Variants in CDH23 observed in about 807,000 individuals in gnomAD.
The protein encoded by CDH23 is cadherin-23.
CDH23 carries 189 observed loss-of-function variants against 317.1 expected under a neutral mutation model. The ratio of observed to expected loss-of-function variants is 0.60; its 90% CI spans 0.53 to 0.67. The LOEUF (loss-of-function observed/expected upper bound fraction) is 0.67. Among genes scored for constraint, CDH23 ranks in the 30% least tolerant of loss-of-function variants. The probability of loss-of-function intolerance (pLI) is 0.00; values close to 1 mark genes in which losing one functional copy is unlikely to be tolerated. For missense variants in CDH23, 4,401 were observed against 4,592.4 expected, an observed-to-expected ratio of 0.96 and a Z score of 1.20; for synonymous variants, 1,839 against 1,876.8, an observed-to-expected ratio of 0.98 and a Z score of 0.52.
chr10:71,407,912 C>A (rs1377247065), intron 1 of CDH23, among the ~76,000 whole-genome samples: 1 of 152,196 alleles, frequency 6.6e-6, no homozygotes, highest in Non-Finnish European at 1.5e-5. Context: ...CCCCTTCTGA[C>A]CAATCACTTG....
chr10:71,711,501 G>A (rs1206244868), intron 27 of CDH23, among the ~76,000 whole-genome samples: 1 of 152,086 alleles, frequency 6.6e-6, no homozygotes, highest in Non-Finnish European at 1.5e-5. Context: ...CCTCCAGGGA[G>A]GACAACCCAA....
At chr10:71,407,653 C>T (rs945419145) in intron 1 of CDH23, among the ~76,000 whole-genome samples, 10 of 152,210 alleles carry the variant, frequency 6.6e-5, no homozygotes, top group African/African-American at 2.4e-4. Context: ...TATTTCTGGC[C>T]GTGCATCTTA....
intron 24 of CDH23, 126 bp downstream of exon 24, chr10:71,702,820 C>A: frequency 1.9e-6 from 2 of 1,069,634 alleles, no homozygotes; most frequent in South Asian, 1.4e-5. Flanking sequence ...AGGACAGAGG[C>A]TCTGGAGATG....
intron 8 of CDH23, among the ~76,000 whole-genome samples, chr10:71,576,186 C>T (rs1274707875): frequency 6.6e-6 from 1 of 152,230 alleles, no homozygotes; most frequent in Admixed American, 6.5e-5. Context: ...CCTCGTGTCT[C>T]CCCCTGAGGA....
At chr10:71,724,007 G>A (rs369569834) in intron 28 of CDH23, 38 bp from the exon 29 acceptor site, 11 of 1,550,692 alleles carry the variant, frequency 7.1e-6, no homozygotes, top group African/African-American at 2.7e-5. Context: ...CCTGCTGGGT[G>A]GCATTCAAGA....
At chr10:71,648,344 G>A (rs1406125332) in intron 14 of CDH23, among the ~76,000 whole-genome samples, 3 of 152,216 alleles carry the variant, frequency 2.0e-5, no homozygotes, top group East Asian at 1.9e-4. Flanking sequence ...CCCTTCGAAG[G>A]ACTGGGTAAA....
chr10:71,459,359 G>T (rs1850865235), intron 3 of CDH23, among the ~76,000 whole-genome samples: 1 of 152,150 alleles, frequency 6.6e-6, no homozygotes, highest in Non-Finnish European at 1.5e-5. Context: ...CTCCCAAAGT[G>T]GGGGCATGAG....
At chr10:71,646,124 A>G in intron 13 of CDH23, 144 bp downstream of exon 13, 2 of 1,114,970 alleles carry the variant, frequency 1.8e-6, no homozygotes, top group Non-Finnish European at 2.5e-6. Flanking sequence ...AAGCCCTCCA[A>G]GAGACGGCAG....
intron 6 of CDH23, among the ~76,000 whole-genome samples, chr10:71,540,242 A>T (rs930295656): frequency 3.9e-5 from 6 of 152,034 alleles, no homozygotes; most frequent in Admixed American, 2.6e-4. Flanking sequence ...TGCACTAGGG[A>T]ACCCACCCTC....
intron 9 of CDH23, among the ~76,000 whole-genome samples, chr10:71,586,958 T>C (rs1859113271): frequency 6.6e-6 from 1 of 152,230 alleles, no homozygotes; most frequent in African/African-American, 2.4e-5. Flanking sequence ...CATTTCCCTG[T>C]TGATGGGTTG....
At chr10:71,688,809 ACG>A (rs1284778906) in intron 19 of CDH23, among the ~76,000 whole-genome samples, 1 of 3,920 alleles carries the variant, frequency 2.6e-4, no homozygotes, top group Admixed American at 2.3e-3. Context: ...GGTGGAGCCA[ACG>A]GTGGTGGAGC....
At chr10:71,746,627 G>A (rs572076962) in intron 38 of CDH23, among the ~76,000 whole-genome samples, 2 of 152,320 alleles carry the variant, frequency 1.3e-5, no homozygotes, top group African/African-American at 4.8e-5. Flanking sequence ...GCTGGGCCCA[G>A]GGAGGAAGGG....
chr10:71,617,422 G>A, intron 11 of CDH23, 29 bp downstream of exon 11: 1 of 1,607,946 alleles, frequency 6.2e-7, no homozygotes, highest in Non-Finnish European at 8.5e-7. Flanking sequence ...GGCCCATGCA[G>A]ACCCACCACC....
Position 71,751,558 on chromosome 10 carries a change from G to A in CDH23, c.4845+9637G>A, listed in dbSNP as rs1012623409. 2.1e-5 allele frequency: 26 copies of A among 1,238,932 alleles called. No individual in the cohort carries two copies. The African/African-American group carries it at 2.6e-4, about 12-fold the overall frequency. 76.7% of individuals were successfully genotyped at this position (1,238,932 alleles called of 1,614,324 possible). A position where few individuals can be genotyped will look rare whatever the true frequency, so the allele number is the denominator to read the frequency against. The stretch of plus-strand genomic sequence containing the variant: ...TGTCCCTCACCCTCAACCCCACCCC[G>A]TGAGGCCGTGGAACTCTTCAGGGAG... On this transcript the variant is annotated intron_variant, in intron 38 of 69. Transcript: ENST00000224721. This position sits in a 1 kb window ranked among gnomAD's most constrained non-coding sequence, Gnocchi z 4.9.
At chr10:71,662,637 G>T (rs567304388) in intron 14 of CDH23, among the ~76,000 whole-genome samples, 3 of 152,238 alleles carry the variant, frequency 2.0e-5, no homozygotes, top group Admixed American at 6.5e-5. Flanking sequence ...CTCAGACACG[G>T]TGTCTGTCCC....
chr10:71,530,462 C>T (rs148507657), intron 6 of CDH23, among the ~76,000 whole-genome samples: 1 of 152,370 alleles, frequency 6.6e-6, no homozygotes, highest in East Asian at 1.9e-4. Flanking sequence ...CCTGAAGCAC[C>T]CCCTTTCCAC....
intron 3 of CDH23, among the ~76,000 whole-genome samples, chr10:71,483,614 G>A (rs1852185538): frequency 6.6e-6 from 1 of 152,176 alleles, no homozygotes; most frequent in Non-Finnish European, 1.5e-5. Context: ...TGGGATGAGG[G>A]AGAAGCTCCT....
intron 16 of CDH23, among the ~76,000 whole-genome samples, chr10:71,679,001 C>G (rs551001333): frequency 6.6e-6 from 1 of 151,748 alleles, no homozygotes; most frequent in African/African-American, 2.4e-5. Flanking sequence ...GGGCCCTAAC[C>G]GGCTCCGGGA....
At chr10:71,802,648 G>A (rs572986131) in intron 53 of CDH23, among the ~76,000 whole-genome samples, 2 of 152,330 alleles carry the variant, frequency 1.3e-5, no homozygotes, top group Middle Eastern at 3.4e-3. Context: ...GTTAACCACT[G>A]TTCTAGTTGT....
Sources: gnomAD v4.1 joint callset for allele counts (sites outside exome capture counted in the v4.1 genomes callset) on GRCh38, gnomAD v4.1.1 for gene constraint, Gnocchi (gnomAD v3.1) non-coding constraint, MANE v1.5 for transcripts, NCBI Gene and HGNC (gene_info 2026-07-23, HGNC 2026-07-21) for gene names.